The following AP1S3 variants were observed in gnomAD, a reference collection of about 807,000 sequenced individuals.
AP1S3 encodes the protein AP-1 complex subunit sigma-3.
AP1S3 carries 10 observed loss-of-function variants against 20.9 expected under a neutral mutation model. The observed-to-expected ratio is 0.48, with a 90% CI of 0.29 to 0.81. The LOEUF (loss-of-function observed/expected upper bound fraction) is 0.81. Among genes scored for constraint, AP1S3 ranks in the 30% least tolerant of loss-of-function variants. The pLI, the probability that AP1S3 is intolerant of heterozygous loss-of-function variation, is 0.08. For missense variants in AP1S3, 154 were observed against 183.8 expected (o/e 0.84, Z 0.94); for synonymous variants, 41 against 61.5 (o/e 0.67, Z 1.56).
chr2:223,760,717 T>A (rs574147233), intron 4 of AP1S3, among the ~76,000 whole-genome samples: 1 of 152,262 alleles, frequency 6.6e-6, no homozygotes, highest in East Asian at 1.9e-4. Flanking sequence ...GTACTTAGAA[T>A]GAGAAAAGAA....
At chr2:223,818,410 G>A (rs1204701444) in intron 1 of AP1S3, among the ~76,000 whole-genome samples, 2 of 132,740 alleles carry the variant, frequency 1.5e-5, no homozygotes, top group East Asian at 4.5e-4. Context: ...GAGGGAGAGT[G>A]AGACTCCATC....
At chr2:223,826,430 T>G (rs754280580) in intron 1 of AP1S3, among the ~76,000 whole-genome samples, 1 of 152,010 alleles carries the variant, frequency 6.6e-6, no homozygotes, top group East Asian at 1.9e-4. Context: ...CCATCTCTAC[T>G]AAAAATACAA....
At chr2:223,795,027 A>G (rs1305992729) in intron 1 of AP1S3, among the ~76,000 whole-genome samples, 1 of 152,200 alleles carries the variant, frequency 6.6e-6, no homozygotes, top group Non-Finnish European at 1.5e-5. Context: ...AGGTGGGCGG[A>G]TAACCTGAGG....
chr2:223,765,472 G>T, intron 3 of AP1S3, 122 bp from the exon 4 acceptor site: 1 of 989,716 alleles, frequency 1.0e-6, no homozygotes, highest in Middle Eastern at 2.2e-4. Flanking sequence ...AATATCAGAT[G>T]GCATTTTAAG....
chr2:223,790,618 G>T (rs944688844), intron 1 of AP1S3, among the ~76,000 whole-genome samples: 1 of 151,986 alleles, frequency 6.6e-6, no homozygotes, highest in African/African-American at 2.4e-5. Context: ...TGGCCTGTAG[G>T]TAGAGTAATA....
intron 2 of AP1S3, 92 bp from the exon 3 acceptor site, chr2:223,776,101 C>T: frequency 1.2e-6 from 1 of 857,106 alleles, no homozygotes; most frequent in Non-Finnish European, 1.9e-6. Flanking sequence ...ACCTCCTCCC[C>T]CGCCGAGCCT....
chr2:223,789,136 GA>G (rs67363404), intron 1 of AP1S3, among the ~76,000 whole-genome samples: 3 of 148,084 alleles, frequency 2.0e-5, no homozygotes, highest in South Asian at 4.2e-4. Flanking sequence ...GAACAAATAG[GA>G]AAAAAAAAAC....
At chr2:223,800,256 A>G (rs551051151) in intron 1 of AP1S3, among the ~76,000 whole-genome samples, 1 of 151,800 alleles carries the variant, frequency 6.6e-6, no homozygotes, top group Admixed American at 6.6e-5. Context: ...ATGTAGTCCA[A>G]GTATGATGGC....
At chr2:223,793,466 G>A (rs1027474008) in intron 1 of AP1S3, among the ~76,000 whole-genome samples, 20 of 152,210 alleles carry the variant, frequency 1.3e-4, no homozygotes, top group Admixed American at 3.9e-4. Flanking sequence ...GCAAACGAAC[G>A]CAGAAACAAA....
At chr2:223,829,599 A>G in intron 1 of AP1S3, among the ~76,000 whole-genome samples, 1 of 152,126 alleles carries the variant, frequency 6.6e-6, no homozygotes, top group East Asian at 1.9e-4. Flanking sequence ...TGAACCCAGG[A>G]AGCAGAGGTT....
chr2:223,779,129 T>C (rs906168817), intron 1 of AP1S3, among the ~76,000 whole-genome samples: 7 of 152,262 alleles, frequency 4.6e-5, no homozygotes, highest in Non-Finnish European at 1.0e-4. Flanking sequence ...TTGGCTACAC[T>C]AGGAAGCAAC....
intron 1 of AP1S3, among the ~76,000 whole-genome samples, chr2:223,821,509 T>C (rs1309387823): frequency 1.3e-5 from 2 of 152,200 alleles, no homozygotes; most frequent in African/African-American, 4.8e-5. Flanking sequence ...AGGTATTCAA[T>C]AAATATATGC....
intron 1 of AP1S3, among the ~76,000 whole-genome samples, chr2:223,813,632 G>A (rs1424883147): frequency 6.6e-6 from 1 of 152,198 alleles, no homozygotes. Flanking sequence ...CCTGTTTGGA[G>A]AACATAGCTG....
chr2:223,825,265 A>C (rs1436813876), intron 1 of AP1S3, among the ~76,000 whole-genome samples: 1 of 151,534 alleles, frequency 6.6e-6, no homozygotes, highest in African/African-American at 2.4e-5. Flanking sequence ...GTGAGCTGAG[A>C]TCGCGCCACT....
intron 4 of AP1S3, chr2:223,765,005 A>C (rs1361797310): frequency 3.4e-6 from 2 of 580,692 alleles, no homozygotes; most frequent in Non-Finnish European, 5.4e-6. Flanking sequence ...TTGGTGTCTC[A>C]GTTTACTCAT....
chr2:223,777,885 C>T lies in AP1S3; in HGVS notation c.4-16G>A, dbSNP rs770773111. On this transcript the variant is annotated splice_polypyrimidine_tract_variant and intron_variant, in intron 1 of 4. Coordinates refer to ENST00000396654, the MANE Select transcript of AP1S3 (RefSeq NM_001039569.2). The stretch of plus-strand genomic sequence containing the variant: ...TGAAATGTATCTAGAACAAAGGACA[C>T]AAAAAACAGAACCTGATCAACCAAG... The T allele has an allele frequency of 1.5e-5, 24 of 1,599,154 alleles. No individual in the cohort carries two copies. The highest frequency in any genetic ancestry group is 1.1e-4 in the East Asian group (5 of 44,620).
intron 1 of AP1S3, among the ~76,000 whole-genome samples, chr2:223,798,438 G>T (rs181898893): frequency 6.6e-6 from 1 of 152,286 alleles, no homozygotes; most frequent in East Asian, 1.9e-4. Flanking sequence ...GAAAAAAATG[G>T]AATAACACAG....
At chr2:223,808,812 C>G (rs557203343) in intron 1 of AP1S3, among the ~76,000 whole-genome samples, 63 of 152,098 alleles carry the variant, frequency 4.1e-4, no homozygotes, top group Non-Finnish European at 7.6e-4. Context: ...TCAAGACCAG[C>G]CTGGGCAACA....
Position 223,837,387 on chromosome 2 carries a change from G to A in AP1S3, c.3+61C>T. ...CGCGCCCGGCCCGGACGCCCCAGGT[G>A]CCTCCCCGGAGCGCGAGCGCCCCCA... On this transcript the variant is annotated intron_variant, in intron 1 of 4. Coordinates refer to ENST00000396654, the MANE Select transcript of AP1S3 (RefSeq NM_001039569.2). 2.8e-6 allele frequency: 3 copies of A among 1,056,696 alleles called. No individual in the cohort carries two copies. The South Asian group carries it at 1.3e-4, about 44-fold the overall frequency. The allele number at this position is 1,056,696 out of a possible 1,614,324, so 65.5% of individuals were successfully genotyped here. A position where few individuals can be genotyped will look rare whatever the true frequency, so the allele number is the denominator to read the frequency against.
Sources: allele counts gnomAD v4.1 joint callset (sites outside exome capture counted in the v4.1 genomes callset), GRCh38; gene constraint gnomAD v4.1.1; transcripts MANE v1.5; gene names NCBI Gene and HGNC (gene_info 2026-07-23, HGNC 2026-07-21).